FBXO40: variants seen among roughly 807,000 people sequenced by gnomAD.
FBXO40 encodes F-box protein 40.
In FBXO40, 50 loss-of-function variants were observed where a neutral mutation model predicts 49.9. That is an observed-to-expected ratio of 1.00 (90% CI 0.80 to 1.27). The LOEUF is 1.27. FBXO40 is among the 50% of genes most tolerant of loss of function. The pLI is 0.00. For missense variants in FBXO40, 895 were observed against 870.1 expected (o/e 1.03, Z -0.36); for synonymous variants, 340 against 320.2 (o/e 1.06, Z -0.66).
intron 3 of FBXO40, among the ~76,000 whole-genome samples, chr3:121,625,930 G>A (rs919045066): frequency 3.9e-5 from 6 of 152,172 alleles, no homozygotes; most frequent in Admixed American, 3.9e-4. Context: ...ACTTGAAAAC[G>A]GTGACTTTGC....
chr3:121,620,839 G>T (rs2049026091), intron 2 of FBXO40, among the ~76,000 whole-genome samples: 1 of 152,256 alleles, frequency 6.6e-6, no homozygotes, highest in South Asian at 2.1e-4. Context: ...AATCTAAATG[G>T]CTAGCAATTC....
chr3:121,617,345 C>T (rs1026825813), intron 1 of FBXO40, among the ~76,000 whole-genome samples: 6 of 152,118 alleles, frequency 3.9e-5, no homozygotes, highest in African/African-American at 1.2e-4. Context: ...CCTGTAATCC[C>T]AGCACTTTGG....
In FBXO40 at chr3:121,623,018, A is replaced by T. The variant is rs953829652; in HGVS notation, c.1589A>T (p.Gln530Leu). The stretch of plus-strand genomic sequence containing the variant: ...CAAAACCATTTCCGTCCCCCAGGGC[A>T]AAAGGCAAAAGTAATCTATAGCCAG... ...FVQNHFRPPG[Q>L]KAKVIYSQEL... Residue 530 changes from glutamine (Q) to leucine (L), a missense_variant, in exon 3 of 4, where the codon CAA becomes CTA. Physicochemically the swap from Gln to Leu is moderately radical, Grantham distance 113. Transcript: ENST00000338040. 1.1e-5 allele frequency: 18 copies of T among 1,614,124 alleles called. No homozygotes were observed. Among genetic ancestry groups the T allele is most frequent in the African/African-American group, 4.0e-5 (3 of 74,946 alleles).
intron 1 of FBXO40, among the ~76,000 whole-genome samples, chr3:121,618,450 G>T (rs1301097787): frequency 1.4e-5 from 2 of 144,130 alleles, no homozygotes; most frequent in Admixed American, 1.4e-4. Context: ...GCAGTGGCGT[G>T]ATCTCGATTC....
chr3:121,613,277 G>A lies in FBXO40; in HGVS notation c.-30-7269G>A, dbSNP rs75699882. On this transcript the variant is annotated intron_variant, in intron 1 of 3. Coordinates refer to ENST00000338040, the MANE Select transcript of FBXO40 (RefSeq NM_016298.4). ...TGAAAGGGACAAGATAATTCTTAGT[G>A]CCAATTTGGCCAAGGGAGGAACTAC... 3.7e-4 allele frequency among the ~76,000 whole-genome samples: 56 copies of A among 152,200 alleles called. No individual in the cohort carries two copies. In the East Asian group the frequency reaches 0.01, roughly 28 times the overall value.
intron 1 of FBXO40, among the ~76,000 whole-genome samples, chr3:121,604,814 C>T (rs928817950): frequency 6.6e-6 from 1 of 152,074 alleles, no homozygotes. Flanking sequence ...TGGCAATGAC[C>T]TCAACATGCC....
intron 1 of FBXO40, among the ~76,000 whole-genome samples, chr3:121,603,899 T>C (rs950835928): frequency 2.0e-5 from 3 of 152,118 alleles, no homozygotes; most frequent in Non-Finnish European, 4.4e-5. Context: ...TTTGTATTGT[T>C]AGTAGAGACG....
chr3:121,606,900 C>T (rs908201147), intron 1 of FBXO40, among the ~76,000 whole-genome samples: 3 of 152,084 alleles, frequency 2.0e-5, no homozygotes, highest in Non-Finnish European at 2.9e-5. Flanking sequence ...TTATGCCTGC[C>T]GTGAAAGAGG....
chr3:121,623,661 C>T lies in FBXO40; in HGVS notation c.1914+318C>T, dbSNP rs147571897. On this transcript the variant is annotated intron_variant, in intron 3 of 3. Coordinates refer to ENST00000338040, the MANE Select transcript of FBXO40 (RefSeq NM_016298.4). ...AAATTACAGGTGTGAGCCACTGTAC[C>T]TGGCCTTAACAAATATTTTTAAAGG... Among the ~76,000 whole-genome samples, 315 of 150,684 alleles carry T rather than the reference C, an allele frequency of 2.1e-3. 3 individuals carry two copies. Among genetic ancestry groups the T allele is most frequent in the African/African-American group, 7.1e-3 (292 of 40,928 alleles).
chr3:121,626,989 A>T lies in FBXO40; in HGVS notation c.*79A>T, dbSNP rs1249359084. The T allele has an allele frequency of 7.3e-7, 1 of 1,377,246 alleles. No homozygotes were observed. Among genetic ancestry groups the T allele is most frequent in the Non-Finnish European group, 1.0e-6 (1 of 979,134 alleles). The allele number at this position is 1,377,246 out of a possible 1,614,324, so 85.3% of individuals were successfully genotyped here. ...AAGTAGGACAGAGTGTGTGGTTTTG[A>T]GGACTCCCTTCTGTAAACTGCCTAT... On this transcript the variant is annotated 3_prime_UTR_variant, in exon 4 of 4. Transcript: ENST00000338040.
At chr3:121,604,310 A>G (rs1321842811) in intron 1 of FBXO40, among the ~76,000 whole-genome samples, 1 of 152,346 alleles carries the variant, frequency 6.6e-6, no homozygotes, top group East Asian at 1.9e-4. Context: ...TCCTAAACAT[A>G]GAAACTTATA....
At chr3:121,618,202 A>G (rs1228589424) in intron 1 of FBXO40, among the ~76,000 whole-genome samples, 2 of 152,034 alleles carry the variant, frequency 1.3e-5, no homozygotes, top group African/African-American at 2.4e-5. Context: ...AAAAATAACT[A>G]TACTAGACAT....
rs937640405 is a variant in FBXO40 at position 121,626,830 on chromosome 3, A to T, written c.2050A>T (p.Met684Leu). The T allele has an allele frequency of 1.4e-5, 22 of 1,614,056 alleles. No homozygotes were observed. In the Admixed American group the frequency reaches 2.7e-4, roughly 20 times the overall value. The change falls in exon 4 of 4, where the codon ATG becomes TTG. Residue 684 changes from methionine to leucine, a missense_variant. Transcript: ENST00000338040. The stretch of plus-strand genomic sequence containing the variant: ...AACTGACCCGATTCTTTTGACTAGC[A>T]TGTGTCAGCCCCGTGAGCAGGCCCG... ...HKTDPILLTS[M>L]CQPREQARES... is the part of the protein sequence containing the mutation.
intron 1 of FBXO40, among the ~76,000 whole-genome samples, chr3:121,599,422 C>T (rs143219877): frequency 6.9e-6 from 1 of 144,790 alleles, no homozygotes; most frequent in African/African-American, 2.6e-5. Context: ...AAGCCAAGAT[C>T]GTGCCACTGC....
rs78943057 is a variant in FBXO40, at chr3:121,619,440, A to G, written c.-30-1106A>G. On this transcript the variant is annotated intron_variant, in intron 1 of 3. Transcript: ENST00000338040. Reference sequence around the variant, plus strand: ...TGCAAACTGGCAACCTACAGATCCTATCTGGCCAGCATTCACATTTTTCCT... The same window carrying G: ...TGCAAACTGGCAACCTACAGATCCTGTCTGGCCAGCATTCACATTTTTCCT... Among the ~76,000 whole-genome samples the G allele has an allele frequency of 3.5e-3, 528 of 152,338 alleles. 15 individuals are homozygous for G. In the East Asian group the frequency reaches 0.065, roughly 19 times the overall value.
chr3:121,619,606 T>C (rs2049018428), intron 1 of FBXO40, among the ~76,000 whole-genome samples: 1 of 152,244 alleles, frequency 6.6e-6, no homozygotes, highest in Admixed American at 6.5e-5. Flanking sequence ...CAAACATGTA[T>C]AGATCACTGC....
chr3:121,599,674 G>GCACA (rs757324448), intron 1 of FBXO40, among the ~76,000 whole-genome samples: 5,884 of 99,440 alleles, frequency 0.059, 250 homozygotes, highest in Non-Finnish European at 0.084. Flanking sequence ...ACACACACAT[G>GCACA]CACACACACA....
chr3:121,609,639 C>G (rs967483789), intron 1 of FBXO40, among the ~76,000 whole-genome samples: 2 of 152,060 alleles, frequency 1.3e-5, no homozygotes, highest in Non-Finnish European at 2.9e-5. Context: ...GGGAGAGGAA[C>G]AAAAGTAACA....
At chr3:121,619,711 C>T (rs1036731367) in intron 1 of FBXO40, among the ~76,000 whole-genome samples, 4 of 152,180 alleles carry the variant, frequency 2.6e-5, no homozygotes, top group Non-Finnish European at 5.9e-5. Flanking sequence ...ATTATCCTCT[C>T]TCTACTGATG....
Sources: allele counts gnomAD v4.1 joint callset (sites outside exome capture counted in the v4.1 genomes callset), GRCh38; gene constraint gnomAD v4.1.1; transcripts MANE v1.5; gene names NCBI Gene and HGNC (gene_info 2026-07-23, HGNC 2026-07-21).